Variants in ROBO2 observed in about 807,000 individuals in gnomAD.
ROBO2 encodes the protein roundabout guidance receptor 2.
Under a neutral mutation model 160.8 loss-of-function variants are expected in ROBO2, and 53 were observed. The observed-to-expected ratio is 0.33, with a 90% CI of 0.26 to 0.41. The LOEUF is 0.41. ROBO2 is among the 10% of genes least tolerant of loss of function. The pLI, the probability that ROBO2 is intolerant of heterozygous loss-of-function variation, is 1.00. For synonymous variants in ROBO2, 664 were observed against 611.7 expected (o/e 1.09, Z -1.26); for missense variants, 1,577 against 1,722.4 (o/e 0.92, Z 1.49).
intron 2 of ROBO2, among the ~76,000 whole-genome samples, chr3:76,567,831 G>T (rs2084697439): frequency 7.5e-6 from 1 of 133,722 alleles, no homozygotes; most frequent in African/African-American, 2.8e-5. Flanking sequence ...TTTGGGGGGG[G>T]TTGGACAGAG....
At chr3:77,308,933 T>C (rs1055313751) in intron 2 of ROBO2, among the ~76,000 whole-genome samples, 2 of 152,174 alleles carry the variant, frequency 1.3e-5, no homozygotes, top group Non-Finnish European at 2.9e-5. Flanking sequence ...TCAGTCTTGA[T>C]CCAAAACTTT....
At chr3:76,023,291 C>T (rs921477564) in intron 2 of ROBO2, among the ~76,000 whole-genome samples, 1 of 151,624 alleles carries the variant, frequency 6.6e-6, no homozygotes, top group Non-Finnish European at 1.5e-5. Flanking sequence ...CCCTTGTGTT[C>T]GTAAGTTGGC....
intron 4 of ROBO2, among the ~76,000 whole-genome samples, chr3:77,484,993 T>C (rs1012397491): frequency 1.3e-5 from 2 of 152,156 alleles, no homozygotes; most frequent in Non-Finnish European, 2.9e-5. Flanking sequence ...TAATCATTTT[T>C]TTAGACTTTA....
chr3:76,693,274 CTA>C (rs3041339), intron 2 of ROBO2, among the ~76,000 whole-genome samples: 30 of 147,990 alleles, frequency 2.0e-4, no homozygotes, highest in Non-Finnish European at 3.3e-4. Context: ...GTCTCTCTCT[CTA>C]TATATAGTGT....
rs112398619 is a variant in ROBO2 at position 75,993,683 on chromosome 3, A to C, written c.109+56081A>C. Among the ~76,000 whole-genome samples, 929 of 152,232 alleles carry C rather than the reference A, an allele frequency of 6.1e-3. 5 individuals carry two copies. Among genetic ancestry groups the C allele is most frequent in the Non-Finnish European group, 7.2e-3 (491 of 68,014 alleles). On this transcript the variant is annotated intron_variant, in intron 2 of 26. Coordinates refer to the ROBO2 transcript ENST00000487694. ...TTCGCTTCCTGTAGAGTTTCTTGTC[A>C]TTAAGCAGTGATGGTAGGCAGAGAA...
At chr3:76,983,803 G>A (rs915763318) in intron 2 of ROBO2, among the ~76,000 whole-genome samples, 1 of 152,180 alleles carries the variant, frequency 6.6e-6, no homozygotes, top group African/African-American at 2.4e-5. Context: ...AAGTTCAAGT[G>A]GCTTGACCCA....
In ROBO2 at chr3:76,523,739, T is replaced by C. The variant is rs775880041; in HGVS notation, c.110-574275T>C. Among the ~76,000 whole-genome samples the C allele has an allele frequency of 1.4e-3, 217 of 152,222 alleles. 2 individuals are homozygous for C. Among genetic ancestry groups the C allele is most frequent in the Non-Finnish European group, 2.6e-3 (175 of 67,980 alleles). On this transcript the variant is annotated intron_variant, in intron 2 of 26. Transcript: ENST00000487694. ...AGAAGGCTCCTACTGAATAACAACTTAATAGAAGGATAAACAACCTCCGTG... is the reference window on the plus strand; with the variant it reads ...AGAAGGCTCCTACTGAATAACAACTCAATAGAAGGATAAACAACCTCCGTG...
At chr3:76,641,649 T>G (rs1451859263) in intron 2 of ROBO2, among the ~76,000 whole-genome samples, 1 of 152,208 alleles carries the variant, frequency 6.6e-6, no homozygotes, top group East Asian at 1.9e-4. Flanking sequence ...ACAAAGCTGG[T>G]GAACTTCTAA....
At chr3:75,981,968 C>T (rs2065291451) in intron 2 of ROBO2, among the ~76,000 whole-genome samples, 1 of 151,352 alleles carries the variant, frequency 6.6e-6, no homozygotes, top group Non-Finnish European at 1.5e-5. Context: ...TTTCTATGTC[C>T]ATGTATTCAA....
At chr3:76,543,959 G>A (rs567746201) in intron 2 of ROBO2, among the ~76,000 whole-genome samples, 1 of 151,914 alleles carries the variant, frequency 6.6e-6, no homozygotes, top group African/African-American at 2.4e-5. Flanking sequence ...AATAATCCTT[G>A]GTGAAAAATC....
At chr3:77,617,872 G>A in intron 22 of ROBO2, 99 bp downstream of exon 23, 1 of 1,284,554 alleles carries the variant, frequency 7.8e-7, no homozygotes, top group Non-Finnish European at 1.1e-6. Context: ...TACACAGCTA[G>A]GGTTAAAAGT....
intron 2 of ROBO2, among the ~76,000 whole-genome samples, chr3:76,674,159 T>C (rs1231585820): frequency 2.6e-5 from 4 of 152,066 alleles, no homozygotes; most frequent in African/African-American, 7.2e-5. Context: ...ATTGATACTC[T>C]GTAAACAAAA....
At chr3:76,595,075 C>T (rs1305402864) in intron 2 of ROBO2, among the ~76,000 whole-genome samples, 1 of 151,822 alleles carries the variant, frequency 6.6e-6, no homozygotes, top group Non-Finnish European at 1.5e-5. Flanking sequence ...GAGAAAACAG[C>T]CCTTTTGCAA....
At chr3:76,951,560 A>G (rs2149179202) in intron 2 of ROBO2, among the ~76,000 whole-genome samples, 1 of 152,328 alleles carries the variant, frequency 6.6e-6, no homozygotes, top group South Asian at 2.1e-4. Context: ...AAAGAGAAAA[A>G]AGAAATATAT....
At position 77,198,566 on chromosome 3, in the gene ROBO2, A is replaced by G. The variant is rs372836102; in HGVS notation, c.388+100226A>G. Among the ~76,000 whole-genome samples the G allele has an allele frequency of 2.2e-3, 331 of 152,320 alleles. 3 individuals carry two copies. Among genetic ancestry groups the G allele is most frequent in the African/African-American group, 7.7e-3 (319 of 41,578 alleles). On this transcript the variant is annotated intron_variant, in intron 2 of 25. Transcript: ENST00000461745. The stretch of plus-strand genomic sequence containing the variant: ...CCAAAGGAATGAGTTCAGATTGTAC[A>G]TGGCTTTTTCAGCCGGGCCCCAAAA...
At chr3:77,537,298 G>C (rs1226000025) in intron 6 of ROBO2, among the ~76,000 whole-genome samples, 1 of 152,046 alleles carries the variant, frequency 6.6e-6, no homozygotes, top group African/African-American at 2.4e-5. Context: ...AGGAGGTTCT[G>C]ATATTATATG....
At chr3:76,102,025 T>G (rs1285402812) in intron 2 of ROBO2, among the ~76,000 whole-genome samples, 1 of 150,320 alleles carries the variant, frequency 6.7e-6, no homozygotes, top group Non-Finnish European at 1.5e-5. Flanking sequence ...CCCCGGGGTG[T>G]GATGTTCCCC....
At chr3:77,226,842 G>T (rs551772785) in intron 2 of ROBO2, among the ~76,000 whole-genome samples, 1 of 152,056 alleles carries the variant, frequency 6.6e-6, no homozygotes. Flanking sequence ...AAACCAGAAC[G>T]GTTGTACAGG....
chr3:77,481,326 C>T lies in ROBO2; in HGVS notation c.667+107C>T, dbSNP rs142037679. 2.3e-3 allele frequency: 1,899 copies of T among 822,436 alleles called. 33 individuals carry two copies. The highest frequency in any genetic ancestry group is 4.1e-4 in the Non-Finnish European group (242 of 588,330). 50.9% of individuals were successfully genotyped at this position (822,436 alleles called of 1,614,324 possible). ...GCCATATAAGGACAGTTACTCATGA[C>T]TCATGGTAAGCAGTGACAAATTAGA... On this transcript the variant is annotated intron_variant, in intron 4 of 25. Coordinates refer to ENST00000461745, the Ensembl canonical transcript of ROBO2.
Sources: allele counts gnomAD v4.1 joint callset (sites outside exome capture counted in the v4.1 genomes callset), GRCh38; gene constraint gnomAD v4.1.1; transcripts MANE v1.5; gene names NCBI Gene and HGNC (gene_info 2026-07-23, HGNC 2026-07-21).